AGBL1: variants seen among roughly 807,000 people sequenced by gnomAD.
AGBL1 encodes AGBL carboxypeptidase 1, also known as cytosolic carboxypeptidase 4.
Under a neutral mutation model 118.9 loss-of-function variants are expected in AGBL1, and 130 were observed. The ratio of observed to expected loss-of-function variants is 1.09; its 90% CI spans 0.95 to 1.26. AGBL1 has a LOEUF of 1.26. Ranked by LOEUF, AGBL1 falls within the 50% of genes most tolerant of loss-of-function variation. The probability of loss-of-function intolerance (pLI) is 0.00; values close to 1 mark genes in which losing one functional copy is unlikely to be tolerated. For missense variants in AGBL1, 1,584 were observed against 1,298.1 expected (o/e 1.22, Z -3.38); for synonymous variants, 555 against 478.9 (o/e 1.16, Z -2.08).
intron 18 of AGBL1, among the ~76,000 whole-genome samples, chr15:86,478,537 A>G (rs186222300): frequency 0.011 from 1,632 of 152,238 alleles, 13 homozygotes; most frequent in South Asian, 0.022. Flanking sequence ...GATGTGAAGG[A>G]CCTCTTCAGG....
intron 24 of AGBL1, among the ~76,000 whole-genome samples, chr15:87,007,957 T>C (rs868148207): frequency 6.6e-6 from 1 of 152,176 alleles, no homozygotes; most frequent in African/African-American, 2.4e-5. Flanking sequence ...TAAGGAGAAA[T>C]AATGGAAGTC....
chr15:86,112,149 A>G (rs536320862), intron 1 of AGBL1, among the ~76,000 whole-genome samples: 31 of 152,094 alleles, frequency 2.0e-4, no homozygotes, highest in Non-Finnish European at 3.2e-4. Flanking sequence ...TAGAAAATAA[A>G]GTACACAATA....
chr15:86,241,265 A>T (rs1239021553), intron 6 of AGBL1, among the ~76,000 whole-genome samples: 2 of 152,190 alleles, frequency 1.3e-5, no homozygotes, highest in African/African-American at 2.4e-5. Flanking sequence ...GGTGAAGGGT[A>T]TGTGAAATTT....
rs1474122455 is a variant in AGBL1, at chr15:86,894,072, G to A, written c.3159-13015G>A. On this transcript the variant is annotated intron_variant, in intron 22 of 22. Coordinates refer to ENST00000614907, the MANE Select transcript of AGBL1 (RefSeq NM_001386094.1). ...CCATGACTCTCCAATACCGCCTAAA[G>A]TGACTTCACTTTTGAATGTGTGTTT... Among the ~76,000 whole-genome samples the A allele has an allele frequency of 3.9e-5, 6 of 152,222 alleles. No homozygotes were observed. In the East Asian group the frequency reaches 5.8e-4, roughly 15 times the overall value.
intron 22 of AGBL1, among the ~76,000 whole-genome samples, chr15:86,790,285 G>T (rs2078472400): frequency 6.6e-6 from 1 of 151,760 alleles, no homozygotes; most frequent in African/African-American, 2.4e-5. Flanking sequence ...AACTTGTGTG[G>T]CATATTAACT....
intron 22 of AGBL1, among the ~76,000 whole-genome samples, chr15:86,808,278 C>T (rs1048253689): frequency 6.6e-6 from 1 of 152,132 alleles, no homozygotes; most frequent in Non-Finnish European, 1.5e-5. Context: ...CCGTGCCTTT[C>T]CTGTAGAGAA....
chr15:86,414,225 A>C (rs1157788627), intron 18 of AGBL1, among the ~76,000 whole-genome samples: 2 of 152,162 alleles, frequency 1.3e-5, no homozygotes, highest in Admixed American at 1.3e-4. Flanking sequence ...TAATGAGTAC[A>C]CTGTACATTA....
intron 22 of AGBL1, among the ~76,000 whole-genome samples, chr15:86,903,978 A>G (rs2080246979): frequency 1.5e-5 from 2 of 135,208 alleles, no homozygotes; most frequent in East Asian, 2.0e-4. Context: ...TGGCTCCCGC[A>G]TGAGGGAGAT....
intron 22 of AGBL1, among the ~76,000 whole-genome samples, chr15:86,698,609 TG>T (rs1189046182): frequency 4.0e-5 from 6 of 148,288 alleles, no homozygotes; most frequent in African/African-American, 1.5e-4. Context: ...TGCTGATCAT[TG>T]TTTTTTTTTT....
chr15:86,090,085 A>C lies in AGBL1; in HGVS notation c.51+10062A>C, dbSNP rs184880830. Among the ~76,000 whole-genome samples the C allele has an allele frequency of 7.9e-5, 12 of 152,292 alleles. No individual in the cohort carries two copies. The East Asian group carries it at 2.3e-3, about 29-fold the overall frequency. ...GTCTTCTCTTACATAACCTCACAAC[A>C]ATCCTATGAGGAATATATGGCTACT... is the stretch of plus-strand genomic sequence containing the variant. On this transcript the variant is annotated intron_variant, in intron 1 of 22. Coordinates refer to ENST00000614907, the MANE Select transcript of AGBL1 (RefSeq NM_001386094.1).
intron 17 of AGBL1, among the ~76,000 whole-genome samples, chr15:86,340,748 T>A (rs1595989148): frequency 6.6e-6 from 1 of 152,014 alleles, no homozygotes. Flanking sequence ...AGAGGAAGGG[T>A]GGGGATGCCA....
In AGBL1 at chr15:86,865,075, A is replaced by G. The variant is rs75794616; in HGVS notation, c.3159-42012A>G. 8.7e-3 allele frequency among the ~76,000 whole-genome samples: 1,328 copies of G among 152,270 alleles called. 72 individuals carry two copies. The East Asian group carries it at 0.16, about 18-fold the overall frequency. The stretch of plus-strand genomic sequence containing the variant: ...TCGCTGTAGAATCCCTGGTACCCCT[A>G]AGAGTGCTGATCCATCGTGGGAGTT... On this transcript the variant is annotated intron_variant, in intron 22 of 22. Coordinates refer to ENST00000614907, the MANE Select transcript of AGBL1 (RefSeq NM_001386094.1).
intron 1 of AGBL1, among the ~76,000 whole-genome samples, chr15:86,140,688 G>T (rs939265484): frequency 2.6e-5 from 4 of 152,142 alleles, no homozygotes; most frequent in African/African-American, 9.7e-5. Context: ...ATGGGATCTC[G>T]TGGAGCTGGA....
At chr15:86,659,542 A>G (rs530233970) in intron 21 of AGBL1, among the ~76,000 whole-genome samples, 21 of 152,090 alleles carry the variant, frequency 1.4e-4, no homozygotes, top group Non-Finnish European at 2.6e-4. Context: ...GTATGCTCCT[A>G]TCTTCTGCTA....
chr15:86,621,932 A>C (rs2084811640), intron 21 of AGBL1, among the ~76,000 whole-genome samples: 1 of 152,186 alleles, frequency 6.6e-6, no homozygotes, highest in South Asian at 2.1e-4. Context: ...TGTTTTACAG[A>C]GTAGGACATT....
At chr15:86,809,674 G>A (rs2078762543) in intron 22 of AGBL1, among the ~76,000 whole-genome samples, 1 of 152,232 alleles carries the variant, frequency 6.6e-6, no homozygotes, top group African/African-American at 2.4e-5. Flanking sequence ...GTGTCAAGTT[G>A]GGGAACTTCC....
intron 17 of AGBL1, among the ~76,000 whole-genome samples, chr15:86,396,664 G>A (rs148537933): frequency 1.8e-3 from 279 of 152,228 alleles, no homozygotes; most frequent in African/African-American, 6.4e-3. Flanking sequence ...CAGACTTTAC[G>A]AATGAGGAGG....
rs761002008 is a variant in AGBL1, at chr15:86,143,824, C to T, written c.241C>T (p.Leu81=). Residue 81 remains leucine (L), a synonymous_variant, in exon 3 of 23, where the codon CTG becomes TTG. Coordinates refer to ENST00000614907, the MANE Select transcript of AGBL1 (RefSeq NM_001386094.1). ...CATCCTCCTGCCTCTCTTCCGGCTG[C>T]TGGCCAAAGTTGGCCTAAGAGGTAC... The part of the protein sequence containing the change: ...YDILLPLFRL[L]AKVGLRDKKI... 26 of 1,613,682 alleles carry T rather than the reference C, an allele frequency of 1.6e-5. No individual in the cohort carries two copies. The highest frequency in any genetic ancestry group is 2.2e-5 in the Non-Finnish European group (26 of 1,179,770).
intron 22 of AGBL1, among the ~76,000 whole-genome samples, chr15:86,803,537 A>G (rs1453739382): frequency 6.6e-6 from 1 of 152,170 alleles, no homozygotes; most frequent in Non-Finnish European, 1.5e-5. Context: ...GCCTCGTTTC[A>G]GAAACGGTAA....
Sources: gnomAD v4.1 joint callset for allele counts (sites outside exome capture counted in the v4.1 genomes callset) on GRCh38, gnomAD v4.1.1 for gene constraint, MANE v1.5 for transcripts, NCBI Gene and HGNC (gene_info 2026-07-23, HGNC 2026-07-21) for gene names.